Variants in LRRC37B observed in about 807,000 individuals in gnomAD.
LRRC37B encodes the protein leucine rich repeat containing 37B.
LRRC37B carries 28 observed loss-of-function variants against 98.3 expected under a neutral mutation model. That is an observed-to-expected ratio of 0.28 (90% CI 0.21 to 0.39). The LOEUF (loss-of-function observed/expected upper bound fraction) is 0.39. Ranked by LOEUF, LRRC37B falls within the 10% of genes least tolerant of loss-of-function variation. LRRC37B has a pLI of 1.00. For synonymous variants in LRRC37B, 364 were observed against 442.7 expected, an observed-to-expected ratio of 0.82 and a Z score of 2.23; for missense variants, 938 against 1,182.7, an observed-to-expected ratio of 0.79 and a Z score of 3.03.
intron 1 of LRRC37B, among the ~76,000 whole-genome samples, chr17:32,013,710 A>ATGTGTGTGTGTGTGTG (rs141872427): frequency 1.4e-5 from 2 of 148,068 alleles, no homozygotes; most frequent in African/African-American, 5.0e-5. Context: ...ATAATTGTAT[A>ATGTGTGTGTGTGTGTG]TGTGTGTGTG....
chr17:32,049,419 A>C, intron 10 of LRRC37B, 25 bp downstream of exon 13: 22 of 1,595,204 alleles, frequency 1.4e-5, no homozygotes, highest in Non-Finnish European at 1.9e-5. Flanking sequence ...GAAACATGAG[A>C]CCCAGATTTC....
At chr17:32,022,533 C>A in exon 1 of LRRC37B, 1 of 1,613,750 alleles carries the variant, frequency 6.2e-7, no homozygotes, top group Non-Finnish European at 8.5e-7. Flanking sequence ...AGAGATTGGA[C>A]ATTCCACAGC....
At chr17:32,049,442 G>A (rs2470260) in intron 10 of LRRC37B, 48 bp downstream of exon 13, 241,735 of 1,561,138 alleles carry the variant, frequency 0.15, 23,731 homozygotes, top group African/African-American at 0.48. Context: ...ATCATTTAGC[G>A]TATGCCAGGA....
intron 7 of LRRC37B, chr17:32,041,404 A>T (rs1456521839): frequency 2.7e-6 from 2 of 747,908 alleles, no homozygotes; most frequent in Admixed American, 1.7e-5. Context: ...CTGGGCTTCC[A>T]TGAGGGTGAC....
intron 1 of LRRC37B, among the ~76,000 whole-genome samples, chr17:32,024,068 ATTATT>A (rs1347694157): frequency 6.6e-6 from 1 of 151,462 alleles, no homozygotes; most frequent in Non-Finnish European, 1.5e-5. Flanking sequence ...AAACAGGAAG[ATTATT>A]TTATTTTATT....
chr17:32,040,568 G>A (rs1364822325), intron 7 of LRRC37B: 16 of 761,940 alleles, frequency 2.1e-5, no homozygotes, highest in Middle Eastern at 2.9e-4. Context: ...AGGCGGTGAC[G>A]GAAATGCTGG....
chr17:32,041,083 C>A (rs562007843), intron 7 of LRRC37B: 41 of 765,162 alleles, frequency 5.4e-5, no homozygotes, highest in South Asian at 5.3e-4. Context: ...CTGGCGGAGG[C>A]GCAGCTGAAC....
intron 7 of LRRC37B, among the ~76,000 whole-genome samples, chr17:32,038,213 AC>A (rs1439233656): frequency 6.6e-6 from 1 of 151,992 alleles, no homozygotes; most frequent in Non-Finnish European, 1.5e-5. Context: ...TAATCCCAGC[AC>A]ATTGGGAGGC....
At chr17:32,030,332 CTA>C (rs879703912) in intron 3 of LRRC37B, among the ~76,000 whole-genome samples, 4 of 151,710 alleles carry the variant, frequency 2.6e-5, no homozygotes, top group Non-Finnish European at 5.9e-5. Context: ...ATATTAGAAA[CTA>C]TATATAGAGA....
At chr17:32,024,879 T>C in intron 2 of LRRC37B, 97 bp downstream of exon 5, 1 of 1,492,786 alleles carries the variant, frequency 6.7e-7, no homozygotes. Flanking sequence ...AGAAAAGATA[T>C]TTCCCCTCCA....
At chr17:32,027,700 G>T (rs937556772) in intron 2 of LRRC37B, 69 bp from the exon 6 acceptor site, 3 of 1,310,080 alleles carry the variant, frequency 2.3e-6, no homozygotes, top group Non-Finnish European at 3.2e-6. Flanking sequence ...CCACATGCAG[G>T]AGATAGTCCT....
chr17:32,021,776 C>T, exon 1 of LRRC37B: 1 of 1,614,216 alleles, frequency 6.2e-7, no homozygotes, highest in Non-Finnish European at 8.5e-7. Context: ...GGATTCCACA[C>T]CAATTATCCA....
intron 7 of LRRC37B, among the ~76,000 whole-genome samples, chr17:32,036,458 CAG>C (rs1911246830): frequency 6.6e-6 from 1 of 152,010 alleles, no homozygotes; most frequent in African/African-American, 2.4e-5. Flanking sequence ...AACAATAAAA[CAG>C]TAGAAAATTT....
chr17:32,050,206 C>T (rs200950256), intron 11 of LRRC37B, 99 bp downstream of exon 14: 1 of 729,142 alleles, frequency 1.4e-6, no homozygotes, highest in East Asian at 2.7e-5. Flanking sequence ...TCCCACTTGA[C>T]ATTCTTCTTC....
intron 7 of LRRC37B, chr17:32,041,619 G>A: frequency 2.1e-6 from 1 of 467,852 alleles, no homozygotes; most frequent in South Asian, 1.5e-5. Context: ...TGCCAAGGCG[G>A]TGTCCAAGCC....
chr17:32,027,798 T>C, exon 3 of LRRC37B: 1 of 1,607,074 alleles, frequency 6.2e-7, no homozygotes, highest in South Asian at 1.1e-5. Flanking sequence ...TTGACTGAAT[T>C]ACCTAAGGAT....
At chr17:32,035,824 C>G in intron 7 of LRRC37B, 185 bp downstream of exon 10, 1 of 590,584 alleles carries the variant, frequency 1.7e-6, no homozygotes, top group Non-Finnish European at 2.7e-6. Flanking sequence ...CAATATAAAG[C>G]ATTTCTGTCA....
chr17:32,037,984 G>A (rs367978279), intron 7 of LRRC37B, among the ~76,000 whole-genome samples: 25 of 152,160 alleles, frequency 1.6e-4, no homozygotes, highest in African/African-American at 4.8e-4. Context: ...ACAATTAGCC[G>A]GGTGTAGTGG....
chr17:32,043,177 C>T (rs977630794), intron 7 of LRRC37B, among the ~76,000 whole-genome samples: 1 of 152,206 alleles, frequency 6.6e-6, no homozygotes, highest in African/African-American at 2.4e-5. Flanking sequence ...GAAAGTTATA[C>T]AGGTGTTCAT....
Sources: allele counts gnomAD v4.1 joint callset (sites outside exome capture counted in the v4.1 genomes callset), GRCh38; gene constraint gnomAD v4.1.1; transcripts MANE v1.5; gene names NCBI Gene and HGNC (gene_info 2026-07-23, HGNC 2026-07-21).